ARHGAP40: variants seen among roughly 807,000 people sequenced by gnomAD.
ARHGAP40 encodes rho GTPase-activating protein 40.
In ARHGAP40, 43 loss-of-function variants were observed where a neutral mutation model predicts 73.5. The observed-to-expected ratio is 0.58, with a 90% CI of 0.46 to 0.75. The LOEUF (loss-of-function observed/expected upper bound fraction) is 0.75. Among genes scored for constraint, ARHGAP40 ranks in the 30% least tolerant of loss-of-function variants. ARHGAP40 has a pLI of 0.00. For missense variants in ARHGAP40, 734 were observed against 861.8 expected (o/e 0.85, Z 1.86); for synonymous variants, 300 against 352.8 (o/e 0.85, Z 1.68).
At chr20:38,634,919 G>C (rs1238676818) in intron 6 of ARHGAP40, 134 bp downstream of exon 6, 2 of 997,916 alleles carry the variant, frequency 2.0e-6, no homozygotes, top group South Asian at 1.7e-5. Context: ...GTCTCGCTCT[G>C]TCACCAGGCT....
rs142346512 is a variant in ARHGAP40, at chr20:38,610,631, G to A, written c.137+8552G>A. ...AAAAGGCGGCATATCTTGAAGCCGGGGCTTACAGATTATACGTGGATTCAG... is the reference window on the plus strand; with the variant it reads ...AAAAGGCGGCATATCTTGAAGCCGGAGCTTACAGATTATACGTGGATTCAG... On this transcript the variant is annotated intron_variant, in intron 1 of 14. Transcript: ENST00000373345. 2.8e-3 allele frequency among the ~76,000 whole-genome samples: 427 copies of A among 152,264 alleles called. 1 individual carries two copies. Among genetic ancestry groups the A allele is most frequent in the Non-Finnish European group, 3.8e-3 (258 of 68,022 alleles).
At chr20:38,601,948 C>G (rs116022941) in exon 1 of ARHGAP40, 2 of 1,287,788 alleles carry the variant, frequency 1.6e-6, no homozygotes, top group South Asian at 2.5e-5. Context: ...AGCCCATGGC[C>G]GAGCCTGCCC....
At chr20:38,629,648 C>T in exon 5 of ARHGAP40, 1 of 1,305,270 alleles carries the variant, frequency 7.7e-7, no homozygotes, top group Non-Finnish European at 1.0e-6. Flanking sequence ...GTGTTCCCTG[C>T]CGGTGAGGAT....
chr20:38,605,464 ACTGT>A (rs2088766114), intron 1 of ARHGAP40, among the ~76,000 whole-genome samples: 1 of 152,218 alleles, frequency 6.6e-6, no homozygotes, highest in African/African-American at 2.4e-5. Flanking sequence ...CACCGAATTC[ACTGT>A]CTATGTGGAC....
chr20:38,616,924 A>C (rs2088843195), intron 1 of ARHGAP40, among the ~76,000 whole-genome samples: 1 of 136,984 alleles, frequency 7.3e-6, no homozygotes, highest in Admixed American at 7.6e-5. Context: ...GTTAGTACTG[A>C]GCTTGAGGAA....
intron 5 of ARHGAP40, among the ~76,000 whole-genome samples, chr20:38,630,030 T>A: frequency 1.4e-5 from 2 of 148,050 alleles, no homozygotes; most frequent in Non-Finnish European, 3.0e-5. Context: ...CCTCTCTCCC[T>A]CCCTCCCTTC....
At chr20:38,643,587 T>A in intron 10 of ARHGAP40, 117 bp from the exon 11 acceptor site, 3 of 827,272 alleles carry the variant, frequency 3.6e-6, no homozygotes, top group Non-Finnish European at 5.2e-6. Context: ...CTTGCTGCCC[T>A]CCCAGCTCCT....
chr20:38,650,300 C>G (rs2089081812), exon 15 of ARHGAP40: 1 of 469,240 alleles, frequency 2.1e-6, no homozygotes, highest in Non-Finnish European at 4.4e-6. Flanking sequence ...ATTAAAAATG[C>G]AGTACCTTTA....
chr20:38,646,270 G>A lies in ARHGAP40; in HGVS notation c.1710+83G>A. On this transcript the variant is annotated intron_variant, in intron 12 of 14. Transcript: ENST00000373345. This position sits in a 1 kb window ranked among gnomAD's most constrained non-coding sequence, Gnocchi z 4.5. ...GGGGCGCGGTGCTTCCCTTCCTCCA[G>A]GTCCCCGCTACCGGGCTGCCAGCAA... is the stretch of plus-strand genomic sequence containing the variant. 1 of 1,197,268 alleles carries A rather than the reference G, an allele frequency of 8.4e-7. No homozygotes were observed. The highest frequency in any genetic ancestry group is 3.1e-5 in the Admixed American group (1 of 32,704). The allele number at this position is 1,197,268 out of a possible 1,614,324, so 74.2% of individuals were successfully genotyped here.
At chr20:38,618,011 T>C (rs2088852391) in intron 1 of ARHGAP40, among the ~76,000 whole-genome samples, 1 of 152,212 alleles carries the variant, frequency 6.6e-6, no homozygotes, top group Non-Finnish European at 1.5e-5. Flanking sequence ...CCAGCCAGGT[T>C]TGGGGACTCC....
At chr20:38,608,418 A>G (rs2088785081) in intron 1 of ARHGAP40, among the ~76,000 whole-genome samples, 2 of 152,060 alleles carry the variant, frequency 1.3e-5, no homozygotes, top group Non-Finnish European at 2.9e-5. Flanking sequence ...TGTTTGCCCC[A>G]TCTTAAGAGG....
intron 7 of ARHGAP40, among the ~76,000 whole-genome samples, chr20:38,638,347 T>C (rs1036362983): frequency 1.3e-5 from 2 of 151,880 alleles, no homozygotes; most frequent in Admixed American, 1.3e-4. Context: ...AATAAGTAAA[T>C]TTTTGTCTTA....
At chr20:38,625,397 T>G (rs1459004239) in intron 2 of ARHGAP40, among the ~76,000 whole-genome samples, 1 of 151,870 alleles carries the variant, frequency 6.6e-6, no homozygotes, top group African/African-American at 2.4e-5. Flanking sequence ...CTGGTTTTTT[T>G]TTTTCCTTTC....
intron 1 of ARHGAP40, among the ~76,000 whole-genome samples, chr20:38,607,904 G>T (rs1039742370): frequency 2.0e-5 from 3 of 152,102 alleles, no homozygotes; most frequent in Non-Finnish European, 4.4e-5. Context: ...ATTTCTATCT[G>T]CTGCCAACTT....
chr20:38,629,459 A>G (rs1159586878), intron 4 of ARHGAP40, 43 bp from the exon 5 acceptor site: 1 of 1,303,738 alleles, frequency 7.7e-7, no homozygotes, highest in Non-Finnish European at 1.0e-6. Context: ...CCTGGCAGCC[A>G]GTTCTCACTG....
chr20:38,627,289 C>G, intron 3 of ARHGAP40, 74 bp downstream of exon 3: 3 of 1,241,022 alleles, frequency 2.4e-6, no homozygotes, highest in Non-Finnish European at 3.2e-6. Context: ...CTGAGAGATG[C>G]AGTGATCCTG....
In ARHGAP40 at chr20:38,643,813, G is replaced by A. The variant is rs369941043; in HGVS notation, c.1472G>A (p.Arg491Gln). The A allele has an allele frequency of 2.4e-4, 316 of 1,305,566 alleles. 2 individuals carry two copies. The African/African-American group carries it at 3.5e-3, about 14-fold the overall frequency. The allele number at this position is 1,305,566 out of a possible 1,614,324, so 80.9% of individuals were successfully genotyped here. A position where few individuals can be genotyped will look rare whatever the true frequency, so the allele number is the denominator to read the frequency against. ...CCTAACCTCTTTCTGCACCAAGGGC[G>A]GCCCCCCAAGCTCCCCAAAGGCAAG... The change falls in exon 11 of 15, where the codon CGG becomes CAG. Residue 491 changes from arginine (R) to glutamine (Q), a missense_variant. Transcript: ENST00000373345.
chr20:38,626,447 C>T (rs2088899098), intron 2 of ARHGAP40, among the ~76,000 whole-genome samples: 1 of 152,196 alleles, frequency 6.6e-6, no homozygotes, highest in African/African-American at 2.4e-5. Flanking sequence ...GGAGGTAAGA[C>T]CCGAGATCCT....
At chr20:38,648,534 T>C (rs1423012736) in intron 13 of ARHGAP40, 109 bp from the exon 14 acceptor site, 1 of 926,258 alleles carries the variant, frequency 1.1e-6, no homozygotes, top group Non-Finnish European at 1.5e-6. Context: ...GGACCAAAAA[T>C]CAGTGAGGAC....
Sources: gnomAD v4.1 joint callset for allele counts (sites outside exome capture counted in the v4.1 genomes callset) on GRCh38, gnomAD v4.1.1 for gene constraint, Gnocchi (gnomAD v3.1) non-coding constraint, MANE v1.5 for transcripts, NCBI Gene and HGNC (gene_info 2026-07-23, HGNC 2026-07-21) for gene names.